Variants in ERBB4 observed in about 807,000 individuals in gnomAD.
ERBB4 encodes the protein receptor tyrosine-protein kinase erbB-4.
In ERBB4, 42 loss-of-function variants were observed where a neutral mutation model predicts 158.0. The ratio of observed to expected loss-of-function variants is 0.27; its 90% CI spans 0.21 to 0.34. The LOEUF (loss-of-function observed/expected upper bound fraction) is 0.34, where lower values mean the gene tolerates loss of function less well. Ranked by LOEUF, ERBB4 falls within the 10% of genes least tolerant of loss-of-function variation. The pLI is 1.00. For synonymous variants in ERBB4, 583 were observed against 558.7 expected (o/e 1.04, Z -0.61); for missense variants, 1,333 against 1,624.1 (o/e 0.82, Z 3.08).
chr2:212,518,745 G>A lies in ERBB4; in HGVS notation c.82+19704C>T, dbSNP rs575348455. 5.9e-5 allele frequency among the ~76,000 whole-genome samples: 9 copies of A among 152,076 alleles called. No homozygotes were observed. In the South Asian group the frequency reaches 1.0e-3, roughly 18 times the overall value. ...TTGTTTAGAGTTAAAATACAGGAAC[G>A]GGAGGGGAGGAATAAGTACTGTGTT... On this transcript the variant is annotated intron_variant, in intron 1 of 27. Coordinates refer to ENST00000342788, the MANE Select transcript of ERBB4 (RefSeq NM_005235.3).
At chr2:211,683,742 GT>G (rs34673905) in intron 12 of ERBB4, among the ~76,000 whole-genome samples, 34 of 144,838 alleles carry the variant, frequency 2.3e-4, no homozygotes, top group East Asian at 8.3e-4. Flanking sequence ...TTTAGTCAGG[GT>G]TTTTTTTTTT....
intron 1 of ERBB4, among the ~76,000 whole-genome samples, chr2:212,459,517 T>C (rs1688466724): frequency 6.6e-6 from 1 of 152,094 alleles, no homozygotes; most frequent in Non-Finnish European, 1.5e-5. Flanking sequence ...AAAATGACCA[T>C]ACTACCAAAA....
chr2:212,300,826 T>A (rs1001139720), intron 1 of ERBB4, among the ~76,000 whole-genome samples: 1 of 151,524 alleles, frequency 6.6e-6, no homozygotes, highest in Admixed American at 6.6e-5. Context: ...AATGTGCAAA[T>A]ATCACTAATT....
intron 1 of ERBB4, among the ~76,000 whole-genome samples, chr2:212,222,146 T>G (rs1382198614): frequency 1.3e-5 from 2 of 151,592 alleles, no homozygotes; most frequent in Non-Finnish European, 3.0e-5. Flanking sequence ...ATGTGTCATG[T>G]TTTCACTATC....
intron 12 of ERBB4, among the ~76,000 whole-genome samples, chr2:211,695,934 CTT>C (rs2073002923): frequency 6.6e-6 from 1 of 151,456 alleles, no homozygotes. Flanking sequence ...CGCTCTTGCT[CTT>C]TCTTTTCTTT....
chr2:212,308,483 T>C (rs1372538948), intron 1 of ERBB4, among the ~76,000 whole-genome samples: 3 of 151,124 alleles, frequency 2.0e-5, no homozygotes. Flanking sequence ...CCAAGTGGTA[T>C]TTCTTTAAAA....
chr2:212,342,045 GC>G (rs1223965403), intron 1 of ERBB4, among the ~76,000 whole-genome samples: 9 of 152,108 alleles, frequency 5.9e-5, no homozygotes, highest in African/African-American at 2.2e-4. Context: ...GATCACTTGA[GC>G]CCAGAAGTTG....
intron 1 of ERBB4, among the ~76,000 whole-genome samples, chr2:212,405,011 C>T (rs2091307281): frequency 2.0e-5 from 3 of 152,000 alleles, no homozygotes; most frequent in Admixed American, 2.0e-4. Flanking sequence ...CATAATATTC[C>T]TTGGTATATA....
At chr2:211,969,681 A>C (rs77567461) in intron 2 of ERBB4, among the ~76,000 whole-genome samples, 5 of 151,898 alleles carry the variant, frequency 3.3e-5, no homozygotes, top group Admixed American at 3.3e-4. Flanking sequence ...ATAAGTTTCA[A>C]ATTTTTTATT....
At chr2:211,426,437 A>G (rs184863882) in intron 22 of ERBB4, among the ~76,000 whole-genome samples, 1 of 152,326 alleles carries the variant, frequency 6.6e-6, no homozygotes, top group East Asian at 1.9e-4. Context: ...ATCAACTATG[A>G]TATATCACAA....
At chr2:212,437,721 T>C (rs1413534201) in intron 1 of ERBB4, among the ~76,000 whole-genome samples, 1 of 152,104 alleles carries the variant, frequency 6.6e-6, no homozygotes, top group African/African-American at 2.4e-5. Flanking sequence ...CTTTCTGCCT[T>C]GCTCTTTATG....
chr2:211,881,756 C>G (rs919605546), intron 3 of ERBB4, among the ~76,000 whole-genome samples: 1 of 152,082 alleles, frequency 6.6e-6, no homozygotes, highest in African/African-American at 2.4e-5. Flanking sequence ...TCTGGGACCC[C>G]TCTCTGTAGC....
At chr2:211,674,893 T>C (rs1160035573) in intron 13 of ERBB4, among the ~76,000 whole-genome samples, 1 of 152,054 alleles carries the variant, frequency 6.6e-6, no homozygotes, top group Non-Finnish European at 1.5e-5. Flanking sequence ...CACGTTTTTC[T>C]TATTCTTCTT....
intron 19 of ERBB4, among the ~76,000 whole-genome samples, chr2:211,606,086 T>A (rs1165258617): frequency 6.6e-6 from 1 of 152,132 alleles, no homozygotes; most frequent in African/African-American, 2.4e-5. Flanking sequence ...CAGATGATGG[T>A]AAATTTCTCT....
chr2:212,309,597 C>T (rs1043073845), intron 1 of ERBB4, among the ~76,000 whole-genome samples: 2 of 150,586 alleles, frequency 1.3e-5, no homozygotes, highest in Non-Finnish European at 3.0e-5. Context: ...GCATAGAAAG[C>T]AAATAAGTAC....
chr2:212,036,956 G>A (rs751301644), intron 2 of ERBB4, among the ~76,000 whole-genome samples: 1 of 152,168 alleles, frequency 6.6e-6, no homozygotes, highest in Non-Finnish European at 1.5e-5. Context: ...AATGCAGCTA[G>A]ATTTTATCAA....
At chr2:211,875,076 C>T (rs1228965281) in intron 3 of ERBB4, among the ~76,000 whole-genome samples, 3 of 115,390 alleles carry the variant, frequency 2.6e-5, no homozygotes. Context: ...TGCTTTTAAT[C>T]TAAGGAACAT....
intron 9 of ERBB4, among the ~76,000 whole-genome samples, chr2:211,709,271 A>G (rs1357179446): frequency 1.4e-5 from 2 of 143,854 alleles, no homozygotes; most frequent in East Asian, 2.0e-4. Context: ...ATATATATAT[A>G]TATACATACA....
At chr2:211,689,330 G>A (rs1282000539) in intron 12 of ERBB4, among the ~76,000 whole-genome samples, 1 of 152,030 alleles carries the variant, frequency 6.6e-6, no homozygotes, top group African/African-American at 2.4e-5. Context: ...AAGTAGCTTG[G>A]ACTAAAGGTA....
Sources: gnomAD v4.1 joint callset for allele counts (sites outside exome capture counted in the v4.1 genomes callset) on GRCh38, gnomAD v4.1.1 for gene constraint, MANE v1.5 for transcripts, NCBI Gene and HGNC (gene_info 2026-07-23, HGNC 2026-07-21) for gene names.